DIAPH3: variants seen among roughly 807,000 people sequenced by gnomAD.
DIAPH3 encodes protein diaphanous homolog 3.
DIAPH3 carries 117 observed loss-of-function variants against 144.3 expected under a neutral mutation model. That is an observed-to-expected ratio of 0.81 (90% confidence interval 0.70 to 0.95). The LOEUF (loss-of-function observed/expected upper bound fraction) is 0.95. DIAPH3 is among the 40% of genes least tolerant of loss of function. The pLI, the probability that DIAPH3 is intolerant of heterozygous loss-of-function variation, is 0.00. For missense variants in DIAPH3, 1,421 were observed against 1,412.7 expected (o/e 1.01, Z -0.09); for synonymous variants, 519 against 488.9 (o/e 1.06, Z -0.81).
At chr13:59,715,962 A>T (rs1311319243) in intron 27 of DIAPH3, among the ~76,000 whole-genome samples, 12 of 152,186 alleles carry the variant, frequency 7.9e-5, no homozygotes, top group Admixed American at 7.2e-4. Flanking sequence ...AGTTAAAAAA[A>T]TTTTAAAGTG....
chr13:59,709,302 C>T lies in DIAPH3; in HGVS notation c.3320-42456G>A, dbSNP rs372739498. On this transcript the variant is annotated intron_variant, in intron 27 of 27. Transcript: ENST00000400324. Reference sequence around the variant, plus strand: ...TAAAAGACACTACCATCAGAGCGAACAGGCAACCTACAAAATGGGAGAAAA... The same window carrying T: ...TAAAAGACACTACCATCAGAGCGAATAGGCAACCTACAAAATGGGAGAAAA... Among the ~76,000 whole-genome samples, 45 of 152,246 alleles carry T rather than the reference C, an allele frequency of 3.0e-4. 1 individual carries two copies. In the East Asian group the frequency reaches 6.6e-3, roughly 22 times the overall value.
Position 59,952,221 on chromosome 13 carries a change from T to C in DIAPH3, c.2074+17723A>G, listed in dbSNP as rs117378096. 7.0e-3 allele frequency among the ~76,000 whole-genome samples: 1,067 copies of C among 152,096 alleles called. 5 individuals carry two copies. The highest frequency in any genetic ancestry group is 9.9e-3 in the Non-Finnish European group (674 of 67,986). On this transcript the variant is annotated intron_variant, in intron 17 of 27. Coordinates refer to ENST00000400324, the MANE Select transcript of DIAPH3 (RefSeq NM_001042517.2). ...CATAAATTTATAGGCAGAAAACAGA[T>C]TGGTGATTGCCAGGGGCTAGGGGAA...
chr13:59,951,747 T>C (rs73212270), intron 17 of DIAPH3, among the ~76,000 whole-genome samples: 10,523 of 152,046 alleles, frequency 0.069, 404 homozygotes, highest in Admixed American at 0.11. Flanking sequence ...TCAACACCTA[T>C]AAAAAATTAA....
chr13:59,932,983 C>G (rs1479948071), intron 17 of DIAPH3, among the ~76,000 whole-genome samples: 2 of 152,106 alleles, frequency 1.3e-5, no homozygotes, highest in African/African-American at 4.8e-5. Flanking sequence ...GCAATCAGGG[C>G]TGCATCAGTG....
At chr13:59,883,440 A>T (rs2045221859) in intron 20 of DIAPH3, among the ~76,000 whole-genome samples, 1 of 151,954 alleles carries the variant, frequency 6.6e-6, no homozygotes, top group African/African-American at 2.4e-5. Context: ...AGAAGGATTT[A>T]TTTTTTATTC....
chr13:59,754,724 CT>C (rs1313050977), intron 27 of DIAPH3, among the ~76,000 whole-genome samples: 1 of 152,176 alleles, frequency 6.6e-6, no homozygotes, highest in Non-Finnish European at 1.5e-5. Flanking sequence ...ACTAATCATC[CT>C]TTTGTCACTT....
chr13:60,108,120 G>C (rs1049213121), intron 3 of DIAPH3, among the ~76,000 whole-genome samples: 1 of 152,020 alleles, frequency 6.6e-6, no homozygotes, highest in Non-Finnish European at 1.5e-5. Flanking sequence ...ACATTTGTTT[G>C]GAATGATAAA....
intron 17 of DIAPH3, among the ~76,000 whole-genome samples, chr13:59,956,937 G>A (rs951130352): frequency 7.9e-5 from 12 of 152,154 alleles, no homozygotes; most frequent in South Asian, 2.1e-4. Flanking sequence ...AGATTTGCAC[G>A]GGGCCTGTAG....
At chr13:60,125,873 C>T (rs1198396246) in intron 2 of DIAPH3, among the ~76,000 whole-genome samples, 6 of 151,744 alleles carry the variant, frequency 4.0e-5, no homozygotes, top group Non-Finnish European at 5.9e-5. Context: ...ATAGAAGAAA[C>T]GAGAGAAGAA....
chr13:60,108,316 A>T (rs558482852), intron 3 of DIAPH3, among the ~76,000 whole-genome samples: 1 of 152,216 alleles, frequency 6.6e-6, no homozygotes, highest in Non-Finnish European at 1.5e-5. Context: ...TAAGATTTAA[A>T]GTATGTATAA....
intron 1 of DIAPH3, among the ~76,000 whole-genome samples, chr13:60,145,483 T>TA (rs533107807): frequency 9.9e-5 from 15 of 151,770 alleles, no homozygotes; most frequent in Admixed American, 5.3e-4. Context: ...CCGTCTCTAC[T>TA]AAAAAAAATA....
At chr13:59,686,314 T>C (rs2033208636) in intron 27 of DIAPH3, among the ~76,000 whole-genome samples, 1 of 152,076 alleles carries the variant, frequency 6.6e-6, no homozygotes, top group South Asian at 2.1e-4. Flanking sequence ...TGCCAGTTAC[T>C]ACAGGCCTTA....
At chr13:60,012,743 T>G (rs2053360739) in intron 7 of DIAPH3, 1 of 153,394 alleles carries the variant, frequency 6.5e-6, no homozygotes, top group African/African-American at 2.4e-5. Flanking sequence ...TGATACTACC[T>G]GCCTTCTCTG....
chr13:60,028,836 G>A (rs781434912), intron 5 of DIAPH3, among the ~76,000 whole-genome samples: 13 of 152,046 alleles, frequency 8.6e-5, no homozygotes, highest in African/African-American at 2.7e-4. Flanking sequence ...CGAGGTGGGC[G>A]GATCACAAGG....
At chr13:59,958,388 A>AT (rs1198514629) in intron 17 of DIAPH3, among the ~76,000 whole-genome samples, 2 of 152,182 alleles carry the variant, frequency 1.3e-5, no homozygotes, top group South Asian at 4.1e-4. Flanking sequence ...GTGTTTTAAA[A>AT]TAAAAACTTT....
intron 9 of DIAPH3, among the ~76,000 whole-genome samples, chr13:60,004,237 T>G (rs763842909): frequency 2.0e-5 from 3 of 152,202 alleles, no homozygotes; most frequent in Non-Finnish European, 4.4e-5. Context: ...CACATTTTAA[T>G]AATGCAATTT....
intron 17 of DIAPH3, among the ~76,000 whole-genome samples, chr13:59,947,670 A>G (rs2048869512): frequency 6.6e-6 from 1 of 151,834 alleles, no homozygotes; most frequent in Non-Finnish European, 1.5e-5. Flanking sequence ...GATGCGGAGG[A>G]TGCAGTGAAC....
At chr13:59,752,511 G>C (rs923803855) in intron 27 of DIAPH3, among the ~76,000 whole-genome samples, 1 of 151,958 alleles carries the variant, frequency 6.6e-6, no homozygotes, top group Non-Finnish European at 1.5e-5. Flanking sequence ...GGGACTACAG[G>C]TGCACACCAG....
At chr13:59,901,337 T>C (rs1251166582) in intron 20 of DIAPH3, among the ~76,000 whole-genome samples, 3 of 152,208 alleles carry the variant, frequency 2.0e-5, no homozygotes, top group African/African-American at 7.2e-5. Flanking sequence ...TGGCCTCACA[T>C]AGCCAAACTC....
Sources: allele counts gnomAD v4.1 joint callset (sites outside exome capture counted in the v4.1 genomes callset), GRCh38; gene constraint gnomAD v4.1.1; transcripts MANE v1.5; gene names NCBI Gene and HGNC (gene_info 2026-07-23, HGNC 2026-07-21).